The following SYNJ2 variants were observed in gnomAD, a reference collection of about 807,000 sequenced individuals.
SYNJ2 encodes synaptojanin 2.
In SYNJ2, 116 loss-of-function variants were observed where a neutral mutation model predicts 141.3. The observed-to-expected ratio is 0.82, with a 90% CI of 0.71 to 0.96. The LOEUF is 0.96. Ranked by LOEUF, SYNJ2 falls within the 40% of genes least tolerant of loss-of-function variation. SYNJ2 has a pLI of 0.00. For synonymous variants in SYNJ2, 745 were observed against 777.7 expected (o/e 0.96, Z 0.70); for missense variants, 1,873 against 1,934.8 (o/e 0.97, Z 0.60).
At chr6:157,981,330 C>T (rs1776993170), upstream of SYNJ2, among the ~76,000 whole-genome samples, 1 of 152,258 alleles carries the variant, frequency 6.6e-6, no homozygotes. This position sits in a 1 kb window ranked among gnomAD's most constrained non-coding sequence, Gnocchi z 6.4. Context: ...CTTTCTCCAG[C>T]CCGCTCCACG....
intron 1 of SYNJ2, among the ~76,000 whole-genome samples, chr6:158,016,146 C>G (rs1454870926): frequency 6.6e-6 from 1 of 152,208 alleles, no homozygotes; most frequent in Middle Eastern, 3.2e-3. Context: ...CAGAGTCTCA[C>G]TCTGTCACCC....
chr6:158,096,403 AC>A lies in SYNJ2; in HGVS notation c.*41del, dbSNP rs749161955. 13 of 1,532,462 alleles carry A rather than the reference AC, an allele frequency of 8.5e-6. No homozygotes were observed. The South Asian group carries it at 1.7e-4, about 20-fold the overall frequency. The allele number at this position is 1,532,462 out of a possible 1,614,324, so 94.9% of individuals were successfully genotyped here. On this transcript the variant is annotated 3_prime_UTR_variant, in exon 27 of 27. Transcript: ENST00000355585. ...AAGGCTGCAGTCCTATAGAATGCAT[AC>A]CTTCCTCCCTCTAGACATCCCTCCA...
intron 1 of SYNJ2, among the ~76,000 whole-genome samples, chr6:158,006,817 C>T (rs574159368): frequency 1.3e-5 from 2 of 152,148 alleles, no homozygotes; most frequent in East Asian, 1.9e-4. Flanking sequence ...TGATTACAGG[C>T]GCATGCCACC....
At position 158,076,743 on chromosome 6, in the gene SYNJ2, G is replaced by T. The variant is rs1167481937; in HGVS notation, c.2410G>T (p.Val804Leu). The T allele has an allele frequency of 1.9e-6, 3 of 1,613,970 alleles. No individual in the cohort carries two copies. The highest frequency in any genetic ancestry group is 1.3e-5 in the African/African-American group (1 of 74,936). The change falls in exon 17 of 27, where the codon GTG becomes TTG. Residue 804 changes from valine to leucine, a missense_variant. Physicochemically the swap from Val to Leu is conservative, Grantham distance 32. Coordinates refer to ENST00000355585, the MANE Select transcript of SYNJ2 (RefSeq NM_003898.4). ...CCGCACCCCCGCCTGGACAGACAGG[G>T]TGCTGTGGTGGAGGAAGAAACATCC... The part of the protein sequence containing the change: ...KCRTPAWTDR[V>L]LWWRKKHPFD...
chr6:158,015,142 C>T (rs975776949), intron 1 of SYNJ2, among the ~76,000 whole-genome samples: 4 of 152,172 alleles, frequency 2.6e-5, no homozygotes, highest in African/African-American at 9.7e-5. Context: ...TTAGAGACAG[C>T]AGGAAGTGAT....
chr6:158,013,078 A>G (rs925542356), intron 1 of SYNJ2, among the ~76,000 whole-genome samples: 2 of 152,170 alleles, frequency 1.3e-5, no homozygotes, highest in Admixed American at 1.3e-4. Context: ...AAAAATACAT[A>G]TCAAAAATTT....
intron 1 of SYNJ2, among the ~76,000 whole-genome samples, chr6:158,014,440 C>T (rs753023176): frequency 6.6e-6 from 1 of 152,218 alleles, no homozygotes; most frequent in South Asian, 2.1e-4. Flanking sequence ...TTTCAGGAAC[C>T]TAACTCTGCA....
At chr6:157,997,951 C>G (rs1245440897) in intron 1 of SYNJ2, among the ~76,000 whole-genome samples, 1 of 152,214 alleles carries the variant, frequency 6.6e-6, no homozygotes, top group African/African-American at 2.4e-5. Flanking sequence ...TGACTTCAGT[C>G]GGTCAGAGAA....
intron 20 of SYNJ2, among the ~76,000 whole-genome samples, chr6:158,081,905 C>T (rs998400693): frequency 2.0e-5 from 3 of 152,138 alleles, no homozygotes; most frequent in African/African-American, 7.2e-5. Flanking sequence ...CCTCCCGCCT[C>T]GATCTCCCAA....
intron 25 of SYNJ2, among the ~76,000 whole-genome samples, chr6:158,092,104 A>G (rs1332642044): frequency 9.3e-6 from 1 of 107,442 alleles, no homozygotes; most frequent in East Asian, 2.5e-4. Flanking sequence ...TGTCACAATA[A>G]AGCTGTTAAA....
At chr6:158,053,918 A>T (rs949409151) in intron 5 of SYNJ2, among the ~76,000 whole-genome samples, 1 of 147,376 alleles carries the variant, frequency 6.8e-6, no homozygotes. Flanking sequence ...CCATCCACCC[A>T]CCCATTCTCT....
chr6:158,081,512 T>A lies in SYNJ2; in HGVS notation c.2865+2T>A. 1 of 1,613,184 alleles carries A rather than the reference T, an allele frequency of 6.2e-7. No homozygotes were observed. The highest frequency in any genetic ancestry group is 8.5e-7 in the Non-Finnish European group (1 of 1,179,668). On this transcript the variant is annotated splice_donor_variant, in intron 20 of 26. Coordinates refer to ENST00000355585, the MANE Select transcript of SYNJ2 (RefSeq NM_003898.4). LOFTEE classifies it high-confidence loss of function. ...GTCCTGGACGTGGACGGTATGAAGG[T>A]ACGCTGTACTTGGCCACACTGTGGA... is the stretch of plus-strand genomic sequence containing the variant.
intron 18 of SYNJ2, chr6:158,078,618 C>G (rs1175817251): frequency 4.7e-6 from 1 of 213,270 alleles, no homozygotes; most frequent in Non-Finnish European, 9.5e-6. Flanking sequence ...TTTTGAGATA[C>G]AGTCGTGTTG....
In SYNJ2 at chr6:158,081,448, A is replaced by T. The variant is rs1326504290; in HGVS notation, c.2803A>T (p.Met935Leu). ...TTATTCCAGGATCAACCAAGGGCAG[A>T]TGCTGGTAACTTTTGCAGACAGTCA... Reference protein sequence around the residue: ...IVLVRINQGQMLVTFADSHSA... With the variant: ...IVLVRINQGQLLVTFADSHSA... The change falls in exon 20 of 27, where the codon ATG (methionine) becomes TTG (leucine). Residue 935 changes from methionine to leucine, a missense_variant. Met to Leu is a conservative substitution (Grantham distance 15, BLOSUM62 2). Transcript: ENST00000355585. 2 of 1,613,864 alleles carry T rather than the reference A, an allele frequency of 1.2e-6. No individual in the cohort carries two copies. The highest frequency in any genetic ancestry group is 2.7e-5 in the African/African-American group (2 of 74,856).
intron 4 of SYNJ2, among the ~76,000 whole-genome samples, chr6:158,038,884 G>A (rs1031460258): frequency 1.3e-5 from 2 of 152,250 alleles, no homozygotes; most frequent in African/African-American, 4.8e-5. Flanking sequence ...GCGCAGCCCA[G>A]GAAGGAGGGG....
rs143844487 is a variant in SYNJ2, at chr6:158,019,731, C to T, written c.214+2441C>T. Among the ~76,000 whole-genome samples, 510 of 152,308 alleles carry T rather than the reference C, an allele frequency of 3.3e-3. 2 individuals carry two copies. Among genetic ancestry groups the T allele is most frequent in the Non-Finnish European group, 5.3e-3 (360 of 68,022 alleles). Reference sequence around the variant, plus strand: ...CTGCCCACCTGTGAGAGTCACCCCCCGGAGTGGGTTGGAGTTTCTCTGAGT... The same window carrying T: ...CTGCCCACCTGTGAGAGTCACCCCCTGGAGTGGGTTGGAGTTTCTCTGAGT... On this transcript the variant is annotated intron_variant, in intron 2 of 26. Coordinates refer to ENST00000355585, the MANE Select transcript of SYNJ2 (RefSeq NM_003898.4).
chr6:158,033,892 T>C (rs1779505032), intron 4 of SYNJ2, among the ~76,000 whole-genome samples: 1 of 152,240 alleles, frequency 6.6e-6, no homozygotes, highest in African/African-American at 2.4e-5. Flanking sequence ...CTGATTCACA[T>C]CTCATGCAGG....
chr6:158,069,441 ACAGAATAGG>A, intron 13 of SYNJ2, 83 bp from the exon 14 acceptor site: 1 of 1,468,686 alleles, frequency 6.8e-7, no homozygotes, highest in Non-Finnish European at 9.2e-7. Context: ...AGTTCTGCAA[ACAGAATAGG>A]CTTGGGCTGG....
In SYNJ2 at chr6:157,989,427, AATATATATATATATATATATAT is replaced by A. The variant is rs34948131; in HGVS notation, c.127+7358_127+7379del. Among the ~76,000 whole-genome samples the A allele has an allele frequency of 5.2e-3, 501 of 96,300 alleles. 13 individuals are homozygous for A. The highest frequency in any genetic ancestry group is 0.022 in the South Asian group (52 of 2,316). The allele number at this position is 96,300 out of a possible 152,430, so 63.2% of individuals were successfully genotyped here. A position where few individuals can be genotyped will look rare whatever the true frequency, so the allele number is the denominator to read the frequency against. On this transcript the variant is annotated intron_variant, in intron 1 of 26. Transcript: ENST00000355585. ...AATCTCATTCTTATGTAAAAAAATG[AATATATATATATATATATATAT>A]ATATATATATATATATATGGAAAAA...
Sources: gnomAD v4.1 joint callset for allele counts (sites outside exome capture counted in the v4.1 genomes callset) on GRCh38, gnomAD v4.1.1 for gene constraint, Gnocchi (gnomAD v3.1) non-coding constraint, MANE v1.5 for transcripts, NCBI Gene and HGNC (gene_info 2026-07-23, HGNC 2026-07-21) for gene names.